PI4KA: variants seen among roughly 807,000 people sequenced by gnomAD.
PI4KA encodes PI4-kinase alpha.
A neutral mutation model predicts 271.4 loss-of-function variants in PI4KA; 122 were observed. The ratio of observed to expected loss-of-function variants is 0.45; its 90% CI spans 0.39 to 0.52. The LOEUF (loss-of-function observed/expected upper bound fraction) is 0.52, where lower values mean the gene tolerates loss of function less well. Ranked by LOEUF, PI4KA falls within the 20% of genes least tolerant of loss-of-function variation. The pLI is 0.00. For synonymous variants in PI4KA, 1,041 were observed against 1,078.8 expected, an observed-to-expected ratio of 0.96 and a Z score of 0.69; for missense variants, 1,969 against 2,769.1, an observed-to-expected ratio of 0.71 and a Z score of 6.48.
At chr22:20,837,929 C>T (rs939485908) in intron 2 of PI4KA, among the ~76,000 whole-genome samples, 1 of 151,572 alleles carries the variant, frequency 6.6e-6, no homozygotes, top group African/African-American at 2.4e-5. Flanking sequence ...GACCAGCCTG[C>T]CCAACATGGA....
chr22:20,830,613 T>A (rs1387086765), intron 3 of PI4KA, among the ~76,000 whole-genome samples: 1 of 152,334 alleles, frequency 6.6e-6, no homozygotes, highest in East Asian at 1.9e-4. Context: ...CCACAATGTG[T>A]CTTTTAAAGG....
rs756015878 is a variant in PI4KA at position 20,729,465 on chromosome 22, C to T, written c.4530G>A (p.Leu1510=). ...IERLITWYNP[L]SAPELELDQA... ...GGTCTAGTTCCAGTTCCGGGGCTGA[C>T]AGCGGGTTGTACCATGTGATGAGAC... Residue 1510 remains leucine, a synonymous_variant, in exon 39 of 55, where the codon CTG becomes CTA. Coordinates refer to ENST00000255882, the MANE Select transcript of PI4KA (RefSeq NM_058004.4). 17 of 1,609,168 alleles carry T rather than the reference C, an allele frequency of 1.1e-5. No individual in the cohort carries two copies. In the South Asian group the frequency reaches 1.7e-4, roughly 16 times the overall value.
chr22:20,803,272 TCA>T lies in PI4KA; in HGVS notation c.1508_1509del (p.Val503AspfsTer32). On this transcript the variant is annotated frameshift_variant, in exon 13 of 55. Transcript: ENST00000255882. LOFTEE classifies it high-confidence loss of function. ...ACCAGGAAGTCTCGCAAGGACGGTG[TCA>T]CAGAGTGCACCACCACCGGGAACCT... ...CERFPVVVHS[V>X]TPSLRDFLVI... 1 of 1,613,988 alleles carries T rather than the reference TCA, an allele frequency of 6.2e-7. No individual in the cohort carries two copies. Among genetic ancestry groups the T allele is most frequent in the Non-Finnish European group, 8.5e-7 (1 of 1,179,858 alleles).
At chr22:20,858,461 G>A (rs1040397391) in intron 1 of PI4KA, 109 bp downstream of exon 1, 29 of 787,820 alleles carry the variant, frequency 3.7e-5, no homozygotes, top group African/African-American at 2.9e-4. Flanking sequence ...TCCCGCACAG[G>A]CTGCCGGCGA....
chr22:20,714,334 C>T, intron 47 of PI4KA, 124 bp downstream of exon 47: 3 of 1,495,532 alleles, frequency 2.0e-6, no homozygotes, highest in Non-Finnish European at 1.8e-6. Context: ...TGAGTGAGGG[C>T]AGACAGATGG....
chr22:20,794,457 TG>T (rs1934859065), intron 18 of PI4KA, among the ~76,000 whole-genome samples: 3 of 152,142 alleles, frequency 2.0e-5, no homozygotes, highest in Admixed American at 2.0e-4. Context: ...TGCACTGAGG[TG>T]GTCCCAGCTG....
At chr22:20,856,973 A>C (rs992450230) in intron 1 of PI4KA, among the ~76,000 whole-genome samples, 4 of 152,200 alleles carry the variant, frequency 2.6e-5, no homozygotes, top group Admixed American at 2.0e-4. Flanking sequence ...GCAATCAGTC[A>C]TAAGATATAT....
chr22:20,724,834 A>G lies in PI4KA; in HGVS notation c.4995+1654T>C, dbSNP rs375111367. On this transcript the variant is annotated intron_variant, in intron 42 of 54. Transcript: ENST00000255882. ...ATGCTAGGCCTGTATGCAAGCAGAG[A>G]GCCAAGCAGTCAAGGGAAAATAATG... is the stretch of plus-strand genomic sequence containing the variant. Among the ~76,000 whole-genome samples, 94 of 152,136 alleles carry G rather than the reference A, an allele frequency of 6.2e-4. 3 individuals carry two copies. The South Asian group carries it at 0.019, about 31-fold the overall frequency.
chr22:20,805,615 G>A (rs1935606300), intron 10 of PI4KA, among the ~76,000 whole-genome samples: 1 of 151,964 alleles, frequency 6.6e-6, no homozygotes, highest in Non-Finnish European at 1.5e-5. Context: ...GGCAGATCAT[G>A]AGGTCAGGAG....
At position 20,804,363 on chromosome 22, in the gene PI4KA, C is replaced by T. The variant is rs1206879472; in HGVS notation, c.1398G>A (p.Leu466=). Residue 466 remains leucine, a synonymous_variant, in exon 12 of 55, where the codon CTG becomes CTA. Coordinates refer to ENST00000255882, the MANE Select transcript of PI4KA (RefSeq NM_058004.4). ...ENLCIKLSEK[L]QSKTSSKVII... is the part of the protein sequence containing the mutation. ...TGACTTTGCTGGACGTCTTGGACTGCAGCTTCTCAGATAGCTTGATGCAAA... is the reference window on the plus strand; with the variant it reads ...TGACTTTGCTGGACGTCTTGGACTGTAGCTTCTCAGATAGCTTGATGCAAA... 6.2e-7 allele frequency: 1 copy of T among 1,614,054 alleles called. No individual in the cohort carries two copies. The highest frequency in any genetic ancestry group is 8.5e-7 in the Non-Finnish European group (1 of 1,179,908).
At position 20,789,966 on chromosome 22, in the gene PI4KA, A is replaced by G. The variant is rs190549510; in HGVS notation, c.2328+3227T>C. The stretch of plus-strand genomic sequence containing the variant: ...AAACTTGCTCTCAGTGAAATACATG[A>G]ATGTTTTTCCAGAAGGAGGTGCATC... On this transcript the variant is annotated intron_variant, in intron 19 of 54. Transcript: ENST00000255882. 2.8e-3 allele frequency among the ~76,000 whole-genome samples: 421 copies of G among 152,334 alleles called. 1 individual carries two copies. The highest frequency in any genetic ancestry group is 9.1e-3 in the African/African-American group (380 of 41,576).
intron 23 of PI4KA, among the ~76,000 whole-genome samples, chr22:20,755,869 TGAAG>T (rs1232510325): frequency 6.6e-6 from 1 of 151,160 alleles, no homozygotes; most frequent in African/African-American, 2.4e-5. Flanking sequence ...ACAGTGCAGA[TGAAG>T]AAACTGTAAT....
chr22:20,799,582 A>G, intron 15 of PI4KA, 89 bp downstream of exon 15: 1 of 900,022 alleles, frequency 1.1e-6, no homozygotes, highest in Non-Finnish European at 1.8e-6. Context: ...AGATAAGGAC[A>G]GAGGCATGCA....
At chr22:20,845,496 T>C (rs539001864) in intron 1 of PI4KA, among the ~76,000 whole-genome samples, 11 of 152,354 alleles carry the variant, frequency 7.2e-5, no homozygotes, top group East Asian at 3.9e-4. Flanking sequence ...GTATTAATGG[T>C]ATATTTTTCT....
chr22:20,810,855 G>T, intron 9 of PI4KA, 112 bp downstream of exon 9: 2 of 828,942 alleles, frequency 2.4e-6, no homozygotes, highest in Non-Finnish European at 4.2e-6. Context: ...CAAGGAAAGT[G>T]AAAACACTGC....
At chr22:20,786,231 C>T in intron 19 of PI4KA, 12 of 1,439,668 alleles carry the variant, frequency 8.3e-6, no homozygotes, top group Non-Finnish European at 1.2e-5. Context: ...TTCCTACCCA[C>T]CCCCCAATCT....
intron 32 of PI4KA, among the ~76,000 whole-genome samples, chr22:20,740,252 C>A (rs1280898987): frequency 6.7e-6 from 1 of 150,358 alleles, no homozygotes; most frequent in Admixed American, 6.6e-5. Flanking sequence ...GAACAGTGAA[C>A]TGGTATACAG....
intron 19 of PI4KA, chr22:20,786,167 A>C (rs1245445242): frequency 6.2e-7 from 1 of 1,612,884 alleles, no homozygotes; most frequent in South Asian, 1.1e-5. Context: ...TCCCTTGTCC[A>C]CCCCCGACCC....
At chr22:20,715,560 C>A (rs1925879456) in intron 45 of PI4KA, among the ~76,000 whole-genome samples, 1 of 151,718 alleles carries the variant, frequency 6.6e-6, no homozygotes, top group Non-Finnish European at 1.5e-5. Context: ...CTGCAACCTA[C>A]GCCTCCCGGG....
Sources: gnomAD v4.1 joint callset for allele counts (sites outside exome capture counted in the v4.1 genomes callset) on GRCh38, gnomAD v4.1.1 for gene constraint, MANE v1.5 for transcripts, NCBI Gene and HGNC (gene_info 2026-07-23, HGNC 2026-07-21) for gene names.